The following CTNNA3 variants were observed in gnomAD, a reference collection of about 807,000 sequenced individuals.
The protein encoded by CTNNA3 is catenin alpha-3.
Under a neutral mutation model 95.7 loss-of-function variants are expected in CTNNA3, and 76 were observed. The ratio of observed to expected loss-of-function variants is 0.79; its 90% CI spans 0.66 to 0.96. The LOEUF is 0.96. CTNNA3 is among the 40% of genes least tolerant of loss of function. CTNNA3 has a pLI of 0.00. For missense variants in CTNNA3, 1,191 were observed against 1,089.8 expected (o/e 1.09, Z -1.31); for synonymous variants, 431 against 374.4 (o/e 1.15, Z -1.74).
intron 13 of CTNNA3, among the ~76,000 whole-genome samples, chr10:66,106,284 T>A (rs1352765465): frequency 2.6e-5 from 4 of 151,834 alleles, no homozygotes; most frequent in Non-Finnish European, 2.9e-5. Flanking sequence ...TTCTTAAAAT[T>A]GTCTGCTTCT....
At chr10:67,371,870 C>A (rs1169473789) in intron 5 of CTNNA3, among the ~76,000 whole-genome samples, 2 of 152,174 alleles carry the variant, frequency 1.3e-5, no homozygotes, top group Non-Finnish European at 2.9e-5. Context: ...TCCTATTTCT[C>A]CACATCCTCT....
chr10:66,665,622 A>G (rs1846424406), intron 9 of CTNNA3, among the ~76,000 whole-genome samples: 1 of 152,086 alleles, frequency 6.6e-6, no homozygotes, highest in African/African-American at 2.4e-5. Flanking sequence ...TCCCCGACCC[A>G]TCTGTTTCAA....
chr10:67,711,281 T>G (rs1334423596), intron 1 of CTNNA3, among the ~76,000 whole-genome samples: 1 of 152,152 alleles, frequency 6.6e-6, no homozygotes, highest in Non-Finnish European at 1.5e-5. Flanking sequence ...CGACTGGAAC[T>G]GGGTAATAGG....
At chr10:66,684,063 ATT>A (rs1471980171) in intron 9 of CTNNA3, among the ~76,000 whole-genome samples, 3 of 152,152 alleles carry the variant, frequency 2.0e-5, no homozygotes, top group Non-Finnish European at 4.4e-5. Flanking sequence ...TCAATGACTA[ATT>A]ATCTAATTTA....
chr10:67,564,677 G>GTATATATATA lies in CTNNA3; in HGVS notation c.293-25018_293-25009dup, dbSNP rs71006151. On this transcript the variant is annotated intron_variant, in intron 3 of 17. Coordinates refer to ENST00000433211, the MANE Select transcript of CTNNA3 (RefSeq NM_013266.4). Reference sequence around the variant, plus strand: ...TATATGCATATATGTGTGTGTGTGTGTATATATATATATATATATATATAT... The same window carrying GTATATATATA: ...TATATGCATATATGTGTGTGTGTGTGTATATATATATATATATATATATATATATATATAT... Among the ~76,000 whole-genome samples, 197 of 61,298 alleles carry GTATATATATA rather than the reference G, an allele frequency of 3.2e-3. 9 individuals carry two copies. The highest frequency in any genetic ancestry group is 9.5e-3 in the Admixed American group (44 of 4,642). The allele number at this position is 61,298 out of a possible 152,430, so 40.2% of individuals were successfully genotyped here. A position where few individuals can be genotyped will look rare whatever the true frequency, so the allele number is the denominator to read the frequency against.
intron 11 of CTNNA3, among the ~76,000 whole-genome samples, chr10:66,396,240 A>T (rs1333391162): frequency 1.3e-5 from 2 of 152,090 alleles, no homozygotes; most frequent in Non-Finnish European, 2.9e-5. Flanking sequence ...CTCTGAAAGC[A>T]TATGCAGGAG....
chr10:66,272,794 A>C (rs1008750309), intron 13 of CTNNA3, among the ~76,000 whole-genome samples: 1 of 152,154 alleles, frequency 6.6e-6, no homozygotes, highest in Admixed American at 6.5e-5. Context: ...GACACAATTA[A>C]TACTACACTG....
intron 7 of CTNNA3, among the ~76,000 whole-genome samples, chr10:67,082,713 A>G (rs1385479722): frequency 6.6e-6 from 1 of 152,180 alleles, no homozygotes; most frequent in Non-Finnish European, 1.5e-5. Flanking sequence ...CCTTTTTTCT[A>G]AAGATAAAAT....
intron 8 of CTNNA3, among the ~76,000 whole-genome samples, chr10:66,769,069 G>T (rs1406006181): frequency 6.6e-6 from 1 of 152,154 alleles, no homozygotes; most frequent in Admixed American, 6.5e-5. Flanking sequence ...AAGAGTGACT[G>T]TTTTTCATAT....
intron 7 of CTNNA3, among the ~76,000 whole-genome samples, chr10:66,813,422 G>A (rs1589283748): frequency 6.6e-6 from 1 of 152,148 alleles, no homozygotes; most frequent in South Asian, 2.1e-4. Context: ...TTTAAGTCAT[G>A]CTTGTCAGCC....
At chr10:66,971,427 A>T (rs1222450266) in intron 7 of CTNNA3, among the ~76,000 whole-genome samples, 1 of 3,824 alleles carries the variant, frequency 2.6e-4, no homozygotes, top group Non-Finnish European at 0.022. Context: ...ACTCCGTCTC[A>T]AAAAAAAAAA....
intron 5 of CTNNA3, among the ~76,000 whole-genome samples, chr10:67,503,900 G>T (rs966365942): frequency 3.9e-5 from 6 of 152,188 alleles, no homozygotes; most frequent in Admixed American, 3.9e-4. Flanking sequence ...GCTCATGCCT[G>T]TAATCCCAGC....
At chr10:67,269,681 A>ACT (rs1202727008) in intron 5 of CTNNA3, among the ~76,000 whole-genome samples, 1 of 152,190 alleles carries the variant, frequency 6.6e-6, no homozygotes, top group African/African-American at 2.4e-5. Context: ...AGTTTCTGAA[A>ACT]TGGTGAACAT....
intron 7 of CTNNA3, among the ~76,000 whole-genome samples, chr10:66,872,231 C>A (rs991985512): frequency 1.3e-5 from 2 of 152,120 alleles, no homozygotes; most frequent in Non-Finnish European, 2.9e-5. Context: ...ATCCATGCTG[C>A]AGGTGTTGTT....
intron 17 of CTNNA3, among the ~76,000 whole-genome samples, chr10:65,964,876 A>G (rs1278934081): frequency 6.6e-6 from 1 of 152,184 alleles, no homozygotes; most frequent in Non-Finnish European, 1.5e-5. Flanking sequence ...ATTAATACAT[A>G]TGCATCTATA....
chr10:67,754,474 TA>T (rs914395216), intron 1 of CTNNA3, among the ~76,000 whole-genome samples: 2 of 151,536 alleles, frequency 1.3e-5, no homozygotes, highest in South Asian at 2.1e-4. Flanking sequence ...AAATAAAATT[TA>T]AAAAAAGAGG....
At chr10:67,679,668 T>A (rs1840591340) in intron 1 of CTNNA3, among the ~76,000 whole-genome samples, 1 of 152,208 alleles carries the variant, frequency 6.6e-6, no homozygotes, top group East Asian at 1.9e-4. Flanking sequence ...TCTTCCTTTT[T>A]TTAAAAAAAT....
chr10:67,128,464 A>G (rs1428881598), intron 7 of CTNNA3, among the ~76,000 whole-genome samples: 1 of 152,106 alleles, frequency 6.6e-6, no homozygotes, highest in Non-Finnish European at 1.5e-5. Context: ...ATAACCATGA[A>G]ATATTCTTCC....
chr10:67,043,135 C>CTTT (rs34946963), intron 7 of CTNNA3, among the ~76,000 whole-genome samples: 4 of 103,746 alleles, frequency 3.9e-5, no homozygotes, highest in Non-Finnish European at 4.4e-5. Context: ...CACTTTCTTT[C>CTTT]TTTTTTTTTT....
Sources: allele counts gnomAD v4.1 joint callset (sites outside exome capture counted in the v4.1 genomes callset), GRCh38; gene constraint gnomAD v4.1.1; transcripts MANE v1.5; gene names NCBI Gene and HGNC (gene_info 2026-07-23, HGNC 2026-07-21).